Variants in YBEY observed in about 807,000 individuals in gnomAD.
YBEY encodes endoribonuclease YbeY.
A neutral mutation model predicts 13.5 loss-of-function variants in YBEY; 15 were observed. The observed-to-expected ratio is 1.11, with a 90% CI of 0.75 to 1.72. YBEY has a LOEUF of 1.72. Among genes scored for constraint, YBEY ranks in the 40% most tolerant of loss-of-function variants. The pLI, the probability that YBEY is intolerant of heterozygous loss-of-function variation, is 0.00. For synonymous variants in YBEY, 101 were observed against 83.1 expected (o/e 1.21, Z -1.17); for missense variants, 244 against 208.4 (o/e 1.17, Z -1.05).
chr21:46,310,885 T>C, the YBEY span, among the ~76,000 whole-genome samples: 3 of 151,980 alleles, frequency 2.0e-5, no homozygotes, highest in East Asian at 5.8e-4. Flanking sequence ...ATTATTATTT[T>C]TGAGACAGAG....
At chr21:46,310,804 T>A in the YBEY span, among the ~76,000 whole-genome samples, 3,046 of 149,964 alleles carry the variant, frequency 0.02, 112 homozygotes, top group African/African-American at 0.07. Context: ...AGTAAGACAC[T>A]CTCTCTCTCT....
rs761217558 is a variant in YBEY at position 46,291,399 on chromosome 21, C to T, written c.276C>T (p.Phe92=). 2 of 1,614,060 alleles carry T rather than the reference C, an allele frequency of 1.2e-6. No homozygotes were observed. The highest frequency in any genetic ancestry group is 1.7e-5 in the Admixed American group (1 of 59,986). ...ATGACTACAATTTGGGAGACATTTT[C>T]CTAGGAGTGGAGTATATCTTCCATC... ...FPDDYNLGDI[F]LGVEYIFHQC... Residue 92 remains phenylalanine (F), a synonymous_variant, in exon 3 of 5, where the codon TTC becomes TTT. Transcript: ENST00000397701.
downstream of YBEY, chr21:46,302,409 A>G: frequency 1.6e-6 from 2 of 1,232,508 alleles, no homozygotes; most frequent in Non-Finnish European, 2.3e-6. Flanking sequence ...AGCTACACAG[A>G]TGCAGAAATT....
chr21:46,304,771 C>T, the YBEY span, among the ~76,000 whole-genome samples: 27 of 152,152 alleles, frequency 1.8e-4, no homozygotes, highest in Non-Finnish European at 2.6e-4. Context: ...GCAAAAAGGA[C>T]TGTGCAGATG....
intron 4 of YBEY, among the ~76,000 whole-genome samples, chr21:46,296,752 T>C (rs189801808): frequency 0.025 from 3,825 of 151,798 alleles, 76 homozygotes; most frequent in Middle Eastern, 0.048. Flanking sequence ...CCCAGCACTT[T>C]GGGAGGCCGA....
chr21:46,311,567 C>G, the YBEY span: 32 of 1,598,396 alleles, frequency 2.0e-5, no homozygotes, highest in Non-Finnish European at 2.3e-5. Context: ...GGCTGGGGGA[C>G]CTAGGAACAG....
chr21:46,287,682 T>G (rs866695328), intron 2 of YBEY, among the ~76,000 whole-genome samples: 5 of 152,004 alleles, frequency 3.3e-5, no homozygotes, highest in Admixed American at 6.6e-5. Context: ...ATTACACTGG[T>G]AACCCAGCAG....
At chr21:46,302,156 T>C (rs1196540969), downstream of YBEY, 9 of 1,478,654 alleles carry the variant, frequency 6.1e-6, no homozygotes, top group Admixed American at 2.1e-4. Flanking sequence ...TGGCGGGTCC[T>C]GCCACAGACG....
At position 46,291,456 on chromosome 21, in the gene YBEY, C is replaced by A; in HGVS notation, c.333C>A (p.Val111=). 3 of 1,613,810 alleles carry A rather than the reference C, an allele frequency of 1.9e-6. No individual in the cohort carries two copies. Among genetic ancestry groups the A allele is most frequent in the Non-Finnish European group, 1.7e-6 (2 of 1,179,906 alleles). Residue 111 remains valine (V), a synonymous_variant, in exon 3 of 5, where the codon GTC becomes GTA. Coordinates refer to ENST00000397701, the MANE Select transcript of YBEY (RefSeq NM_001314025.2). The stretch of plus-strand genomic sequence containing the variant: ...AAGAAAATGAAGATTACAATGACGT[C>A]CTGACTGTAAGCGGGGATGCTGAAA... ...QCKENEDYND[V]LTVTATHGLC...
downstream of YBEY, chr21:46,301,415 G>A (rs550952174): frequency 1.9e-5 from 18 of 943,596 alleles, 1 homozygote; most frequent in African/African-American, 2.8e-4. Flanking sequence ...TTAAAGTGCT[G>A]GGATTACAGG....
chr21:46,298,552 C>T (rs914028070), downstream of YBEY, among the ~76,000 whole-genome samples: 6 of 151,264 alleles, frequency 4.0e-5, no homozygotes, highest in African/African-American at 1.5e-4. Flanking sequence ...GCTTCATCCT[C>T]CCGAGTAGCT....
chr21:46,291,841 C>A, intron 3 of YBEY: 1 of 1,064,530 alleles, frequency 9.4e-7, no homozygotes, highest in Non-Finnish European at 1.1e-6. Flanking sequence ...GTGTAATCCA[C>A]CTATGGGTTC....
At chr21:46,304,807 G>A in the YBEY span, among the ~76,000 whole-genome samples, 2 of 152,176 alleles carry the variant, frequency 1.3e-5, no homozygotes, top group Admixed American at 6.6e-5. Context: ...GAGCGGGGAC[G>A]GAAGCAACCC....
At chr21:46,287,666 T>C (rs935818362) in intron 2 of YBEY, among the ~76,000 whole-genome samples, 3 of 151,436 alleles carry the variant, frequency 2.0e-5, no homozygotes, top group African/African-American at 7.3e-5. Flanking sequence ...TCACCCAGAG[T>C]CTACAATTAC....
rs1248896312 is a variant in YBEY at position 46,286,912 on chromosome 21, A to C, written c.-2A>C. 2 of 1,613,688 alleles carry C rather than the reference A, an allele frequency of 1.2e-6. No individual in the cohort carries two copies. The highest frequency in any genetic ancestry group is 1.7e-6 in the Non-Finnish European group (2 of 1,179,946). ...TTTAAAGGGCTGGTTATTCTTCCTG[A>C]AATGAGTTTGGTGATTAGAAATCTG... On this transcript the variant is annotated 5_prime_UTR_variant, in exon 2 of 5. Coordinates refer to ENST00000397701, the MANE Select transcript of YBEY (RefSeq NM_001314025.2).
At chr21:46,295,078 C>T (rs2145828853) in intron 3 of YBEY, among the ~76,000 whole-genome samples, 2 of 152,254 alleles carry the variant, frequency 1.3e-5, no homozygotes, top group Admixed American at 1.3e-4. Context: ...ATCTCTGTGG[C>T]CAGCAACTGT....
chr21:46,298,586 C>A (rs546934782), downstream of YBEY, among the ~76,000 whole-genome samples: 2 of 151,832 alleles, frequency 1.3e-5, no homozygotes, highest in Admixed American at 1.3e-4. Context: ...CCCGCCACCT[C>A]GCCCGGCTAA....
chr21:46,310,274 C>T, the YBEY span, among the ~76,000 whole-genome samples: 8 of 152,030 alleles, frequency 5.3e-5, no homozygotes, highest in East Asian at 3.9e-4. Context: ...GTCAGGAGTT[C>T]GAGACCAGCC....
the YBEY span, among the ~76,000 whole-genome samples, chr21:46,304,674 G>T: frequency 6.6e-6 from 1 of 152,172 alleles, no homozygotes; most frequent in African/African-American, 2.4e-5. Flanking sequence ...TATGTGGAGT[G>T]TAAATGGGCA....
Sources: gnomAD v4.1 joint callset for allele counts (sites outside exome capture counted in the v4.1 genomes callset) on GRCh38, gnomAD v4.1.1 for gene constraint, MANE v1.5 for transcripts, NCBI Gene and HGNC (gene_info 2026-07-23, HGNC 2026-07-21) for gene names.